Variants in GRID2 observed in about 807,000 individuals in gnomAD.
The protein encoded by GRID2 is glutamate receptor ionotropic, delta-2.
GRID2 carries 33 observed loss-of-function variants against 114.8 expected under a neutral mutation model. The ratio of observed to expected loss-of-function variants is 0.29; its 90% CI spans 0.22 to 0.38. GRID2 has a LOEUF of 0.38. Ranked by LOEUF, GRID2 falls within the 10% of genes least tolerant of loss-of-function variation. GRID2 has a pLI of 1.00. For synonymous variants in GRID2, 505 were observed against 449.9 expected (o/e 1.12, Z -1.55); for missense variants, 1,184 against 1,257.7 (o/e 0.94, Z 0.89).
intron 2 of GRID2, among the ~76,000 whole-genome samples, chr4:92,921,495 T>C (rs1749334675): frequency 6.6e-6 from 1 of 152,182 alleles, no homozygotes; most frequent in South Asian, 2.1e-4. Context: ...CCTTTGGTCT[T>C]TGATCATGGT....
chr4:93,537,299 G>A (rs1360794657), intron 13 of GRID2, among the ~76,000 whole-genome samples: 1 of 151,572 alleles, frequency 6.6e-6, no homozygotes, highest in Non-Finnish European at 1.5e-5. Context: ...TGTTTACATA[G>A]CTCCTATTTT....
At chr4:92,912,613 A>G (rs563662647) in intron 2 of GRID2, among the ~76,000 whole-genome samples, 1 of 151,992 alleles carries the variant, frequency 6.6e-6, no homozygotes, top group African/African-American at 2.4e-5. Context: ...GAGTTTCAAG[A>G]AGTACTTTAA....
intron 1 of GRID2, among the ~76,000 whole-genome samples, chr4:92,376,323 A>G (rs1167422229): frequency 6.6e-6 from 1 of 152,032 alleles, no homozygotes; most frequent in Non-Finnish European, 1.5e-5. Flanking sequence ...AAAATAATAT[A>G]TTAAAACTCG....
intron 7 of GRID2, among the ~76,000 whole-genome samples, chr4:93,230,715 T>C (rs1746030150): frequency 6.6e-6 from 1 of 151,720 alleles, no homozygotes; most frequent in Non-Finnish European, 1.5e-5. Flanking sequence ...TTTACCATTT[T>C]TCTTGTTCAT....
At chr4:92,600,184 G>A (rs991646935) in intron 2 of GRID2, among the ~76,000 whole-genome samples, 2 of 149,962 alleles carry the variant, frequency 1.3e-5, no homozygotes, top group Non-Finnish European at 3.0e-5. Flanking sequence ...TTCTTGAATA[G>A]TATTACCTTG....
At chr4:92,966,415 T>C (rs1753160219) in intron 2 of GRID2, among the ~76,000 whole-genome samples, 1 of 151,932 alleles carries the variant, frequency 6.6e-6, no homozygotes. Context: ...TTGGATACAA[T>C]GTTATGCTCA....
At chr4:92,633,869 T>A (rs2149248037) in intron 2 of GRID2, among the ~76,000 whole-genome samples, 1 of 152,136 alleles carries the variant, frequency 6.6e-6, no homozygotes, top group Admixed American at 6.5e-5. Context: ...TATTTTTTTT[T>A]TTTTCTGATG....
chr4:92,685,072 C>T (rs1579839239), intron 2 of GRID2, among the ~76,000 whole-genome samples: 1 of 151,926 alleles, frequency 6.6e-6, no homozygotes, highest in Admixed American at 6.6e-5. Context: ...CCTTTGTTAA[C>T]TCGTAAATTT....
intron 13 of GRID2, among the ~76,000 whole-genome samples, chr4:93,526,121 G>C (rs954179434): frequency 2.6e-5 from 4 of 152,138 alleles, no homozygotes; most frequent in Non-Finnish European, 5.9e-5. Context: ...CATGTGTCAG[G>C]GTAGGGACCA....
intron 13 of GRID2, among the ~76,000 whole-genome samples, chr4:93,612,047 T>C (rs890323205): frequency 3.3e-5 from 5 of 152,116 alleles, no homozygotes; most frequent in African/African-American, 1.2e-4. Context: ...TCTTGTTGAA[T>C]TGATCCCTTT....
At chr4:93,600,016 G>T (rs753369190) in intron 13 of GRID2, among the ~76,000 whole-genome samples, 5 of 152,168 alleles carry the variant, frequency 3.3e-5, no homozygotes, top group Non-Finnish European at 7.3e-5. Context: ...AAAAGCAACG[G>T]CTAGAAGGCC....
In GRID2 at chr4:93,399,127, A is replaced by G. The variant is rs183351581; in HGVS notation, c.1347+3419A>G. ...TGTTGTCACCTAAACGCAACCTCCCACCCCCTTATATTCCAAGTATTTACG... is the reference window on the plus strand; with the variant it reads ...TGTTGTCACCTAAACGCAACCTCCCGCCCCCTTATATTCCAAGTATTTACG... On this transcript the variant is annotated intron_variant, in intron 9 of 15. Coordinates refer to ENST00000282020, the MANE Select transcript of GRID2 (RefSeq NM_001510.4). Among the ~76,000 whole-genome samples, 284 of 151,856 alleles carry G rather than the reference A, an allele frequency of 1.9e-3. 3 individuals carry two copies. Among genetic ancestry groups the G allele is most frequent in the African/African-American group, 6.4e-3 (264 of 41,438 alleles).
At chr4:93,302,696 G>C (rs1459971094) in intron 8 of GRID2, 2 of 420,922 alleles carry the variant, frequency 4.8e-6, no homozygotes, top group East Asian at 7.1e-5. Context: ...CTACTTTATT[G>C]AAAGTGGCTA....
At chr4:93,678,992 A>G (rs1725216966) in intron 14 of GRID2, among the ~76,000 whole-genome samples, 1 of 151,254 alleles carries the variant, frequency 6.6e-6, no homozygotes, top group African/African-American at 2.5e-5. Flanking sequence ...CAAATTGGAT[A>G]AAGAGTCAAG....
Position 93,594,088 on chromosome 4 carries a change from T to C in GRID2, c.2194-32181T>C, listed in dbSNP as rs1364973804. 8.5e-5 allele frequency among the ~76,000 whole-genome samples: 13 copies of C among 152,368 alleles called. No homozygotes were observed. In the East Asian group the frequency reaches 1.2e-3, roughly 14 times the overall value. The stretch of plus-strand genomic sequence containing the variant: ...TCGTTCTCCGTCCAGCTTTGTTCCG[T>C]TGCTGGTGAGGAGCTGCATTCCTTT... On this transcript the variant is annotated intron_variant, in intron 13 of 15. Transcript: ENST00000282020.
At chr4:93,370,249 C>T (rs1453786849) in intron 8 of GRID2, among the ~76,000 whole-genome samples, 2 of 152,116 alleles carry the variant, frequency 1.3e-5, no homozygotes, top group Non-Finnish European at 2.9e-5. Context: ...CTTTCAGATA[C>T]ATAAAGGAAA....
intron 8 of GRID2, among the ~76,000 whole-genome samples, chr4:93,296,828 C>T (rs955538024): frequency 6.6e-6 from 1 of 152,114 alleles, no homozygotes; most frequent in Non-Finnish European, 1.5e-5. Context: ...AAGGGTAAGT[C>T]GTTGTTCTCA....
In GRID2 at chr4:92,651,362, T is replaced by C. The variant is rs151134558; in HGVS notation, c.244+61076T>C. On this transcript the variant is annotated intron_variant, in intron 2 of 15. Transcript: ENST00000282020. ...GTGGTCATAGCCTGGTCAGCCTTGA[T>C]GAGTGGAAGTCTGTGTTGCTCATAC... Among the ~76,000 whole-genome samples the C allele has an allele frequency of 2.5e-3, 376 of 152,124 alleles. 1 individual carries two copies. The highest frequency in any genetic ancestry group is 7.7e-3 in the African/African-American group (318 of 41,536).
chr4:92,522,044 A>G (rs745469266), intron 1 of GRID2, among the ~76,000 whole-genome samples: 1 of 151,892 alleles, frequency 6.6e-6, no homozygotes, highest in Non-Finnish European at 1.5e-5. Context: ...GGGAAATTGA[A>G]TAAGATAAAG....
Sources: gnomAD v4.1 joint callset for allele counts (sites outside exome capture counted in the v4.1 genomes callset) on GRCh38, gnomAD v4.1.1 for gene constraint, MANE v1.5 for transcripts, NCBI Gene and HGNC (gene_info 2026-07-23, HGNC 2026-07-21) for gene names.